The following COL4A5 variants were observed in gnomAD, a reference collection of about 807,000 sequenced individuals.
COL4A5 encodes collagen alpha-5(IV) chain.
In COL4A5, 26 loss-of-function variants were observed where a neutral mutation model predicts 130.2. The ratio of observed to expected loss-of-function variants is 0.20; its 90% CI spans 0.15 to 0.28. The LOEUF is 0.28. Among genes scored for constraint, COL4A5 ranks in the 10% least tolerant of loss-of-function variants. The pLI, the probability that COL4A5 is intolerant of heterozygous loss-of-function variation, is 1.00. For synonymous variants in COL4A5, 496 were observed against 439.6 expected (o/e 1.13, Z -1.60); for missense variants, 1,131 against 1,344.3 (o/e 0.84, Z 2.48).
intron 2 of COL4A5, among the ~76,000 whole-genome samples, chrX:108,552,093 C>T (rs2065761404): frequency 9.0e-6 from 1 of 111,314 alleles, no homozygotes; most frequent in Non-Finnish European, 1.9e-5. Context: ...GAAAAACTGC[C>T]TATCAGTACG....
At chrX:108,547,227 C>T (rs2065672954) in intron 2 of COL4A5, among the ~76,000 whole-genome samples, 1 of 111,463 alleles carries the variant, frequency 9.0e-6, no homozygotes, top group South Asian at 3.8e-4. Context: ...GTTTTTTCCC[C>T]ATCTTTGTGG....
intron 1 of COL4A5, among the ~76,000 whole-genome samples, chrX:108,446,245 C>T (rs1382344042): frequency 8.9e-6 from 1 of 111,859 alleles, no homozygotes; most frequent in Non-Finnish European, 1.9e-5. Flanking sequence ...CAAGCAGTTT[C>T]CCATGTTAAC....
intron 9 of COL4A5, among the ~76,000 whole-genome samples, chrX:108,575,463 A>G (rs937626231): frequency 2.7e-5 from 3 of 112,589 alleles, no homozygotes; most frequent in African/African-American, 9.7e-5. Flanking sequence ...TTAAAATTTC[A>G]CTTATAATAT....
chrX:108,619,073 T>A (rs1017930475), intron 30 of COL4A5, among the ~76,000 whole-genome samples: 5 of 111,492 alleles, frequency 4.5e-5, no homozygotes, highest in African/African-American at 1.6e-4. Flanking sequence ...CATCATATCA[T>A]CTTTCACAAA....
At chrX:108,481,396 G>A (rs2064889309) in intron 1 of COL4A5, among the ~76,000 whole-genome samples, 1 of 111,502 alleles carries the variant, frequency 9.0e-6, no homozygotes, top group Admixed American at 9.5e-5. Flanking sequence ...TTCATTCAAG[G>A]GGTTCTGAGT....
Position 108,695,339 on chromosome X carries a change from T to C in COL4A5, c.4894T>C (p.Ser1632Pro). The C allele has an allele frequency of 8.3e-7, 1 of 1,211,267 alleles. No individual in the cohort carries two copies. The highest frequency in any genetic ancestry group is 1.1e-6 in the Non-Finnish European group (1 of 895,313). ...TGGTTCCTGCTTGGAAGAGTTTCGT[T>C]CAGCTCCCTTCATCGAATGTCATGG... ...SPGSCLEEFR[S>P]APFIECHGRG... Residue 1632 changes from serine (S) to proline (P), a missense_variant, in exon 52 of 53, where the codon TCA becomes CCA. Physicochemically the swap from Ser to Pro is moderately conservative, Grantham distance 74. Coordinates refer to ENST00000328300, the MANE Select transcript of COL4A5 (RefSeq NM_033380.3).
At chrX:108,524,765 A>T (rs1279845260) in intron 1 of COL4A5, among the ~76,000 whole-genome samples, 5 of 111,504 alleles carry the variant, frequency 4.5e-5, no homozygotes, top group Non-Finnish European at 7.5e-5. Context: ...GTTAATTAAA[A>T]GTGAAATATT....
At chrX:108,635,725 C>A (rs1349541878) in intron 36 of COL4A5, among the ~76,000 whole-genome samples, 2 of 111,816 alleles carry the variant, frequency 1.8e-5, no homozygotes, top group South Asian at 7.4e-4. Context: ...TAGATAGAGT[C>A]CAGAAATACC....
chrX:108,633,594 AT>A (rs1441484716), intron 36 of COL4A5, among the ~76,000 whole-genome samples: 1 of 111,296 alleles, frequency 9.0e-6, no homozygotes, highest in Non-Finnish European at 1.9e-5. Flanking sequence ...ACCATAATAA[AT>A]TGTCTCTACA....
chrX:108,598,786 C>G lies in COL4A5; in HGVS notation c.1864C>G (p.Pro622Ala). 8.3e-7 allele frequency: 1 copy of G among 1,210,237 alleles called. No homozygotes were observed. The highest frequency in any genetic ancestry group is 1.1e-6 in the Non-Finnish European group (1 of 894,238). ...GLPGNIGPMG[P>A]PGFGPPGPVG... ...CCCAGGGAATATAGGGCCTATGGGT[C>G]CCCCTGGTTTCGGCCCTCCAGGCCC... The change falls in exon 25 of 53, where the codon CCC becomes GCC. Residue 622 changes from proline to alanine, a missense_variant. Pro to Ala is a conservative substitution (Grantham distance 27). Coordinates refer to ENST00000328300, the MANE Select transcript of COL4A5 (RefSeq NM_033380.3).
rs968742014 is a variant in COL4A5 at position 108,586,754 on chromosome X, G to A, written c.1165+7G>A. ...GGCCTTCCTGGACCTCCAGGTAAAT[G>A]AGATTGCATTTATGGCCTTGTTCTT... On this transcript the variant is annotated splice_region_variant and intron_variant, in intron 19 of 52. Transcript: ENST00000328300. 39 of 1,205,201 alleles carry A rather than the reference G, an allele frequency of 3.2e-5. No individual in the cohort carries two copies. The highest frequency in any genetic ancestry group is 4.1e-5 in the Non-Finnish European group (37 of 891,575).
intron 1 of COL4A5, among the ~76,000 whole-genome samples, chrX:108,485,279 C>T (rs1384048847): frequency 2.7e-5 from 3 of 112,119 alleles, no homozygotes; most frequent in Non-Finnish European, 5.6e-5. Flanking sequence ...CAAGAGCCCT[C>T]TTGTTGTTGT....
chrX:108,622,613 T>C, intron 32 of COL4A5, 63 bp from the exon 33 acceptor site: 1 of 1,120,514 alleles, frequency 8.9e-7, no homozygotes, highest in Non-Finnish European at 1.2e-6. Context: ...CAATAATCTT[T>C]ATATGCATTA....
At chrX:108,567,120 G>A (rs913894608) in intron 4 of COL4A5, among the ~76,000 whole-genome samples, 7 of 111,244 alleles carry the variant, frequency 6.3e-5, no homozygotes, top group Non-Finnish European at 1.1e-4. Context: ...AATTTTAATA[G>A]TGATGATAGG....
chrX:108,492,214 G>T (rs1468683925), intron 1 of COL4A5, among the ~76,000 whole-genome samples: 1 of 111,509 alleles, frequency 9.0e-6, no homozygotes, highest in Non-Finnish European at 1.9e-5. Context: ...AGTGTTGAAG[G>T]TGTGCACATC....
At chrX:108,450,917 A>T (rs61176656) in intron 1 of COL4A5, among the ~76,000 whole-genome samples, 11,178 of 108,854 alleles carry the variant, frequency 0.1, 1,281 homozygotes, top group African/African-American at 0.33. Flanking sequence ...AGTTACATAC[A>T]TGTGCCATGC....
intron 2 of COL4A5, among the ~76,000 whole-genome samples, chrX:108,557,057 C>G (rs10521519): frequency 9.0e-6 from 1 of 111,079 alleles, no homozygotes; most frequent in Admixed American, 9.6e-5. Context: ...TATCTGTAGG[C>G]GAGATAGCAG....
chrX:108,491,885 G>T (rs113829779), intron 1 of COL4A5, among the ~76,000 whole-genome samples: 1 of 111,554 alleles, frequency 9.0e-6, no homozygotes, highest in African/African-American at 3.3e-5. Context: ...CAGCTATGGG[G>T]GTGGAGGAGA....
intron 4 of COL4A5, among the ~76,000 whole-genome samples, chrX:108,567,302 A>T (rs772328557): frequency 9.0e-6 from 1 of 111,707 alleles, no homozygotes; most frequent in South Asian, 3.8e-4. Context: ...CGTACACTGG[A>T]TCCAATTTAT....
Sources: allele counts gnomAD v4.1 joint callset (sites outside exome capture counted in the v4.1 genomes callset), GRCh38; gene constraint gnomAD v4.1.1; transcripts MANE v1.5; gene names NCBI Gene and HGNC (gene_info 2026-07-23, HGNC 2026-07-21).